CDH4: variants seen among roughly 807,000 people sequenced by gnomAD.
The protein encoded by CDH4 is cadherin 4, also known as cadherin-4.
Under a neutral mutation model 86.0 loss-of-function variants are expected in CDH4, and 33 were observed. The observed-to-expected ratio is 0.38, with a 90% CI of 0.29 to 0.51. The LOEUF is 0.51. Ranked by LOEUF, CDH4 falls within the 20% of genes least tolerant of loss-of-function variation. CDH4 has a pLI of 0.86. For missense variants in CDH4, 1,114 were observed against 1,307.4 expected (o/e 0.85, Z 2.28); for synonymous variants, 555 against 549.4 (o/e 1.01, Z -0.14).
At chr20:61,445,811 G>A (rs1600687365) in intron 2 of CDH4, among the ~76,000 whole-genome samples, 1 of 152,362 alleles carries the variant, frequency 6.6e-6, no homozygotes, top group South Asian at 2.1e-4. Context: ...TGGACGCCAT[G>A]GTCCTTCGCC....
At chr20:61,732,723 C>G (rs2088208109) in intron 2 of CDH4, among the ~76,000 whole-genome samples, 1 of 152,344 alleles carries the variant, frequency 6.6e-6, no homozygotes, top group East Asian at 1.9e-4. Context: ...GGGGGAGGAC[C>G]TCGGTGTGCA....
At chr20:61,442,167 T>C (rs1379660082) in intron 2 of CDH4, among the ~76,000 whole-genome samples, 1 of 152,142 alleles carries the variant, frequency 6.6e-6, no homozygotes, top group Non-Finnish European at 1.5e-5. Flanking sequence ...ATTGAGCACA[T>C]AAGCGAGGAT....
At chr20:61,381,398 C>T (rs529188946) in intron 2 of CDH4, among the ~76,000 whole-genome samples, 62 of 152,174 alleles carry the variant, frequency 4.1e-4, no homozygotes, top group African/African-American at 1.4e-3. Flanking sequence ...TTAGCCTGTG[C>T]GGAAATAATT....
intron 2 of CDH4, among the ~76,000 whole-genome samples, chr20:61,316,382 C>G (rs1250012750): frequency 6.6e-6 from 1 of 152,240 alleles, no homozygotes; most frequent in African/African-American, 2.4e-5. Context: ...GTTGAAGGCT[C>G]TAACAAGTTT....
At chr20:61,475,170 A>G (rs1038830678) in intron 2 of CDH4, among the ~76,000 whole-genome samples, 4 of 152,224 alleles carry the variant, frequency 2.6e-5, no homozygotes, top group African/African-American at 9.6e-5. Context: ...TTTTTTCCCC[A>G]TAATTACTCT....
At chr20:61,317,161 G>A (rs1461569909) in intron 2 of CDH4, among the ~76,000 whole-genome samples, 2 of 152,098 alleles carry the variant, frequency 1.3e-5, no homozygotes, top group African/African-American at 2.4e-5. Context: ...GGTGGATCAC[G>A]AGGTGAGGAG....
Position 61,501,677 on chromosome 20 carries a change from T to C in CDH4, c.170-241886T>C, listed in dbSNP as rs954041929. Among the ~76,000 whole-genome samples the C allele has an allele frequency of 1.3e-5, 2 of 152,112 alleles. No individual in the cohort carries two copies. The highest frequency in any genetic ancestry group is 2.9e-5 in the Non-Finnish European group (2 of 68,030). On this transcript the variant is annotated intron_variant, in intron 2 of 15. Coordinates refer to ENST00000614565, the MANE Select transcript of CDH4 (RefSeq NM_001794.5). This position sits in a 1 kb window ranked among gnomAD's most constrained non-coding sequence, Gnocchi z 4.2. ...GTGTTCCGGAAAGCATGCCGTGCCC[T>C]GTGAACTAGAAGAGGGTACTGGAAT...
intron 3 of CDH4, among the ~76,000 whole-genome samples, chr20:61,763,665 C>T (rs1037878744): frequency 6.6e-6 from 1 of 152,080 alleles, no homozygotes; most frequent in African/African-American, 2.4e-5. Context: ...AAAGACCCCT[C>T]GTCTTCCATG....
intron 2 of CDH4, among the ~76,000 whole-genome samples, chr20:61,272,011 T>C (rs2123139668): frequency 6.6e-6 from 1 of 152,324 alleles, no homozygotes; most frequent in East Asian, 1.9e-4. Flanking sequence ...GGCAAGGCGC[T>C]GCTCTTGTAC....
intron 2 of CDH4, among the ~76,000 whole-genome samples, chr20:61,265,301 A>G (rs1459961392): frequency 9.7e-5 from 12 of 124,330 alleles, no homozygotes; most frequent in South Asian, 2.8e-4. Context: ...CCTTCATTCA[A>G]TCTTACACAT....
Position 61,544,492 on chromosome 20 carries a change from G to A in CDH4, c.170-199071G>A, listed in dbSNP as rs1006468534. 2.6e-5 allele frequency among the ~76,000 whole-genome samples: 4 copies of A among 151,912 alleles called. No individual in the cohort carries two copies. Among genetic ancestry groups the A allele is most frequent in the Non-Finnish European group, 4.4e-5 (3 of 67,978 alleles). On this transcript the variant is annotated intron_variant, in intron 2 of 15. Coordinates refer to ENST00000614565, the MANE Select transcript of CDH4 (RefSeq NM_001794.5). The surrounding 1 kb of genome is among the most constrained non-coding windows in gnomAD (Gnocchi z 6.5). ...AGGGCATCGGGGTCTTCGAAGGAAA[G>A]CCCGTGGATTATGCATCCAGGAATT...
chr20:61,688,021 C>T (rs921139974), intron 2 of CDH4, among the ~76,000 whole-genome samples: 2 of 152,026 alleles, frequency 1.3e-5, no homozygotes, highest in African/African-American at 4.8e-5. Context: ...GCAGGAGTCT[C>T]GGGTACAGAT....
At chr20:61,680,842 C>G (rs2087504435) in intron 2 of CDH4, among the ~76,000 whole-genome samples, 1 of 152,182 alleles carries the variant, frequency 6.6e-6, no homozygotes, top group Non-Finnish European at 1.5e-5. Flanking sequence ...GTGTCTTCTT[C>G]TCATCCAGCG....
At chr20:61,813,742 T>C (rs1457928312) in intron 4 of CDH4, among the ~76,000 whole-genome samples, 1 of 152,172 alleles carries the variant, frequency 6.6e-6, no homozygotes, top group Non-Finnish European at 1.5e-5. Context: ...CCTTGTTCCC[T>C]TTCCCTCGAC....
intron 2 of CDH4, among the ~76,000 whole-genome samples, chr20:61,542,797 A>G (rs756388699): frequency 6.6e-6 from 1 of 152,208 alleles, no homozygotes; most frequent in Non-Finnish European, 1.5e-5. Flanking sequence ...GAATCTATGA[A>G]GGGGAGTTTA....
At chr20:61,869,258 C>T (rs1252597847) in intron 6 of CDH4, among the ~76,000 whole-genome samples, 1 of 152,172 alleles carries the variant, frequency 6.6e-6, no homozygotes, top group Non-Finnish European at 1.5e-5. Context: ...GAGCATACAG[C>T]AGAGGTCAGC....
intron 2 of CDH4, among the ~76,000 whole-genome samples, chr20:61,728,418 T>C (rs1237077541): frequency 6.6e-6 from 1 of 152,152 alleles, no homozygotes; most frequent in Non-Finnish European, 1.5e-5. Flanking sequence ...CTTGAGTTTG[T>C]CTTTCAAGGA....
intron 2 of CDH4, among the ~76,000 whole-genome samples, chr20:61,556,383 C>T (rs1270799063): frequency 2.0e-5 from 3 of 152,028 alleles, no homozygotes; most frequent in Admixed American, 6.5e-5. Flanking sequence ...GGGGTGGAGA[C>T]GGGGATGACA....
At chr20:61,605,888 A>G (rs1345030308) in intron 2 of CDH4, among the ~76,000 whole-genome samples, 2 of 55,234 alleles carry the variant, frequency 3.6e-5, no homozygotes, top group African/African-American at 5.8e-4. Flanking sequence ...CTGTGGAGGA[A>G]AAAAAAAAAA....
Sources: gnomAD v4.1 joint callset for allele counts (sites outside exome capture counted in the v4.1 genomes callset) on GRCh38, gnomAD v4.1.1 for gene constraint, Gnocchi (gnomAD v3.1) non-coding constraint, MANE v1.5 for transcripts, NCBI Gene and HGNC (gene_info 2026-07-23, HGNC 2026-07-21) for gene names.